Variants in CRY1 observed in about 807,000 individuals in gnomAD.
CRY1 encodes cryptochrome circadian regulator 1, also known as cryptochrome-1.
CRY1 carries 45 observed loss-of-function variants against 76.0 expected under a neutral mutation model. The ratio of observed to expected loss-of-function variants is 0.59; its 90% CI spans 0.47 to 0.76. The LOEUF (loss-of-function observed/expected upper bound fraction) is 0.76, where lower values mean the gene tolerates loss of function less well. CRY1 is among the 30% of genes least tolerant of loss of function. The pLI, the probability that CRY1 is intolerant of heterozygous loss-of-function variation, is 0.00. For synonymous variants in CRY1, 248 were observed against 244.0 expected, an observed-to-expected ratio of 1.02 and a Z score of -0.15; for missense variants, 587 against 716.4, an observed-to-expected ratio of 0.82 and a Z score of 2.06.
intron 1 of CRY1, among the ~76,000 whole-genome samples, chr12:107,063,025 G>A (rs1953065464): frequency 6.6e-6 from 1 of 152,126 alleles, no homozygotes; most frequent in Non-Finnish European, 1.5e-5. Context: ...TTATTTTTAA[G>A]TTAAAAATAT....
chr12:107,073,940 C>T (rs1953220815), intron 1 of CRY1, among the ~76,000 whole-genome samples: 1 of 152,152 alleles, frequency 6.6e-6, no homozygotes, highest in South Asian at 2.1e-4. Context: ...CCTCAATACA[C>T]CTAAAACAAA....
chr12:107,060,533 A>G (rs1593531246), intron 1 of CRY1, among the ~76,000 whole-genome samples: 1 of 152,232 alleles, frequency 6.6e-6, no homozygotes, highest in South Asian at 2.1e-4. Flanking sequence ...ATAGCAGCAC[A>G]CAACAGACTA....
In CRY1 at chr12:107,077,604, T is replaced by A. The variant is rs139052407; in HGVS notation, c.158+15200A>T. The stretch of plus-strand genomic sequence containing the variant: ...TATATATTTTATTTCTTATTTATCA[T>A]CCTGTGAATACACTATGCTCAGTCT... On this transcript the variant is annotated intron_variant, in intron 1 of 12. Transcript: ENST00000008527. Among the ~76,000 whole-genome samples, 1,065 of 152,340 alleles carry A rather than the reference T, an allele frequency of 7.0e-3. 19 individuals are homozygous for A. Among genetic ancestry groups the A allele is most frequent in the African/African-American group, 0.024 (1,015 of 41,580 alleles).
chr12:107,057,486 G>A (rs575314713), intron 1 of CRY1, among the ~76,000 whole-genome samples: 19 of 152,152 alleles, frequency 1.2e-4, no homozygotes, highest in Non-Finnish European at 2.8e-4. Context: ...TCTCTCCAAA[G>A]TTTTCTCACA....
chr12:106,998,783 G>A (rs1250895221), intron 7 of CRY1, among the ~76,000 whole-genome samples: 1 of 151,636 alleles, frequency 6.6e-6, no homozygotes, highest in East Asian at 1.9e-4. Context: ...TGGCTCATGC[G>A]TGTAATCCCA....
At chr12:107,005,327 GA>G in intron 2 of CRY1, 79 bp from the exon 3 acceptor site, 1 of 1,412,302 alleles carries the variant, frequency 7.1e-7, no homozygotes, top group Non-Finnish European at 9.5e-7. Context: ...TGAAAAAGCT[GA>G]AAATCTACAT....
chr12:107,050,157 GA>G (rs1238578008), intron 1 of CRY1: 1 of 151,820 alleles, frequency 6.6e-6, no homozygotes, highest in East Asian at 1.9e-4. Context: ...AAGAGAAGAA[GA>G]AAAAGCTAGA....
intron 2 of CRY1, among the ~76,000 whole-genome samples, chr12:107,010,179 T>A (rs1952427590): frequency 6.6e-6 from 1 of 152,228 alleles, no homozygotes; most frequent in African/African-American, 2.4e-5. Context: ...GTGTTTACGA[T>A]ATTCTTTACT....
intron 1 of CRY1, among the ~76,000 whole-genome samples, chr12:107,066,460 T>C (rs939520328): frequency 6.6e-6 from 1 of 151,580 alleles, no homozygotes; most frequent in South Asian, 2.1e-4. Flanking sequence ...AGTTTTGTTT[T>C]TTGTTTTTTT....
intron 1 of CRY1, among the ~76,000 whole-genome samples, chr12:107,028,803 T>G (rs148741680): frequency 6.6e-6 from 1 of 152,196 alleles, no homozygotes; most frequent in Non-Finnish European, 1.5e-5. Flanking sequence ...ATGAGTGATA[T>G]TGCCTTTGGT....
intron 1 of CRY1, among the ~76,000 whole-genome samples, chr12:107,080,555 G>A (rs1461042973): frequency 2.0e-5 from 3 of 151,824 alleles, no homozygotes; most frequent in African/African-American, 7.3e-5. Context: ...AGCTAAGGAA[G>A]AACACTAATA....
chr12:106,992,999 A>G lies in CRY1; in HGVS notation c.1623T>C (p.His541=), dbSNP rs780225667. 3 of 1,614,106 alleles carry G rather than the reference A, an allele frequency of 1.9e-6. No homozygotes were observed. The highest frequency in any genetic ancestry group is 2.5e-6 in the Non-Finnish European group (3 of 1,179,930). ...ACAGGTGAGTTTGCTGACTGTCGCC[A>G]TGAGCATAGTGTAAAATACCACTCC... is the stretch of plus-strand genomic sequence containing the variant. ...SQGSGILHYA[H]GDSQQTHLLK... Residue 541 remains histidine (H), a synonymous_variant, in exon 11 of 13, where the codon CAT becomes CAC. Transcript: ENST00000008527.
chr12:107,079,847 A>G (rs1953301919), intron 1 of CRY1, among the ~76,000 whole-genome samples: 1 of 152,150 alleles, frequency 6.6e-6, no homozygotes, highest in Non-Finnish European at 1.5e-5. Flanking sequence ...CTTTAACCTA[A>G]GGGTAAAGAA....
chr12:107,002,688 T>C (rs2136824450), intron 3 of CRY1, among the ~76,000 whole-genome samples: 1 of 152,324 alleles, frequency 6.6e-6, no homozygotes, highest in Non-Finnish European at 1.5e-5. Flanking sequence ...GGTTTGGCTG[T>C]GCCCCCACCA....
At chr12:107,017,577 T>G (rs1952510794) in intron 2 of CRY1, among the ~76,000 whole-genome samples, 1 of 152,200 alleles carries the variant, frequency 6.6e-6, no homozygotes, top group Non-Finnish European at 1.5e-5. Context: ...AAGTTAGATA[T>G]TCTACCCCAG....
intron 3 of CRY1, among the ~76,000 whole-genome samples, chr12:107,003,584 T>C (rs1051628333): frequency 2.6e-5 from 4 of 152,132 alleles, no homozygotes; most frequent in African/African-American, 7.2e-5. Context: ...ATAAAAGATA[T>C]CCTGTTTAAG....
chr12:106,992,754 C>A (rs1952192507), intron 12 of CRY1, 33 bp downstream of exon 12: 7 of 1,546,684 alleles, frequency 4.5e-6, no homozygotes, highest in Non-Finnish European at 5.4e-6. Flanking sequence ...ATATACTCTT[C>A]TAAAGCAAGA....
chr12:107,092,902 G>C lies in CRY1; in HGVS notation c.60C>G (p.Ala20=). The change falls in exon 1 of 13, where the codon GCC becomes GCG. Residue 20 remains alanine (A), a synonymous_variant. Transcript: ENST00000008527. ...RKGLRLHDNP[A]LKECIQGADT... ...CGGCGCCCTGAATGCACTCCTTCAG[G>C]GCGGGGTTGTCGTGGAGCCGGAGCC... The C allele has an allele frequency of 6.2e-7, 1 of 1,609,224 alleles. No individual in the cohort carries two copies. Among genetic ancestry groups the C allele is most frequent in the Non-Finnish European group, 8.5e-7 (1 of 1,178,818 alleles).
At chr12:107,020,897 G>C (rs1025390780) in intron 2 of CRY1, among the ~76,000 whole-genome samples, 7 of 152,054 alleles carry the variant, frequency 4.6e-5, no homozygotes, top group Non-Finnish European at 1.0e-4. Flanking sequence ...TTATTCTCTA[G>C]GCCTAATTTT....
Sources: allele counts gnomAD v4.1 joint callset (sites outside exome capture counted in the v4.1 genomes callset), GRCh38; gene constraint gnomAD v4.1.1; transcripts MANE v1.5; gene names NCBI Gene and HGNC (gene_info 2026-07-23, HGNC 2026-07-21).